NPAS3: variants seen among roughly 807,000 people sequenced by gnomAD.
NPAS3 encodes neuronal PAS domain protein 3, also known as neuronal PAS domain-containing protein 3.
A neutral mutation model predicts 73.1 loss-of-function variants in NPAS3; 14 were observed. The observed-to-expected ratio is 0.19, with a 90% CI of 0.13 to 0.30. The LOEUF is 0.30. Among genes scored for constraint, NPAS3 ranks in the 10% least tolerant of loss-of-function variants. The pLI is 1.00. For synonymous variants in NPAS3, 620 were observed against 541.5 expected (o/e 1.14, Z -2.01); for missense variants, 1,096 against 1,250.0 (o/e 0.88, Z 1.86).
chr14:33,586,258 A>G lies in NPAS3; in HGVS notation c.558+26048A>G, dbSNP rs575018017. ...AATCAGATGTTTTATTGACTGTTTC[A>G]TAGCATAATAATTCACTTTCCAAAA... On this transcript the variant is annotated intron_variant, in intron 5 of 11. Coordinates refer to ENST00000356141, the Ensembl canonical transcript of NPAS3. 1.2e-4 allele frequency among the ~76,000 whole-genome samples: 15 copies of G among 129,206 alleles called. 1 individual carries two copies. Among genetic ancestry groups the G allele is most frequent in the East Asian group, 4.3e-4 (2 of 4,610 alleles). The allele number at this position is 129,206 out of a possible 152,430, so 84.8% of individuals were successfully genotyped here.
intron 2 of NPAS3, among the ~76,000 whole-genome samples, chr14:33,123,203 C>G (rs973256375): frequency 2.0e-5 from 3 of 151,902 alleles, no homozygotes; most frequent in African/African-American, 4.8e-5. Flanking sequence ...TGTGCTTCAG[C>G]AGTTACTTTA....
chr14:33,724,825 G>C (rs1386797666), intron 6 of NPAS3, among the ~76,000 whole-genome samples: 1 of 151,744 alleles, frequency 6.6e-6, no homozygotes, highest in Non-Finnish European at 1.5e-5. Flanking sequence ...ATGCAAACTG[G>C]TACAGTGCAA....
At chr14:33,283,626 A>G (rs12884344) in intron 3 of NPAS3, among the ~76,000 whole-genome samples, 48,634 of 152,096 alleles carry the variant, frequency 0.32, 7,964 homozygotes, top group Middle Eastern at 0.39. Flanking sequence ...CTCTTCACAA[A>G]CTATTGGAAA....
intron 2 of NPAS3, among the ~76,000 whole-genome samples, chr14:33,068,583 G>T (rs887863754): frequency 2.0e-5 from 3 of 152,164 alleles, no homozygotes; most frequent in Admixed American, 2.0e-4. Context: ...CTAAACAGCA[G>T]ATGTTAAAAA....
At chr14:32,959,846 A>G (rs1443277924) in intron 1 of NPAS3, among the ~76,000 whole-genome samples, 1 of 152,188 alleles carries the variant, frequency 6.6e-6, no homozygotes, top group Non-Finnish European at 1.5e-5. Flanking sequence ...TGTTCTTTCT[A>G]TGCCCACCTA....
intron 2 of NPAS3, among the ~76,000 whole-genome samples, chr14:33,170,191 A>G (rs777175848): frequency 6.6e-6 from 1 of 152,240 alleles, no homozygotes; most frequent in Non-Finnish European, 1.5e-5. Flanking sequence ...GAATATCACA[A>G]TGAAGCGAGT....
At chr14:33,707,910 G>T (rs905143113) in intron 6 of NPAS3, among the ~76,000 whole-genome samples, 1 of 152,186 alleles carries the variant, frequency 6.6e-6, no homozygotes, top group Non-Finnish European at 1.5e-5. Flanking sequence ...ATCTGAACCG[G>T]GGGGTGGTGA....
intron 1 of NPAS3, among the ~76,000 whole-genome samples, chr14:32,975,308 G>GCCTCCTTTCCTCCCTT (rs2037615552): frequency 8.7e-5 from 9 of 103,996 alleles, no homozygotes; most frequent in African/African-American, 3.3e-4. Context: ...CTCCCTCCCT[G>GCCTCCTTTCCTCCCTT]CCTCCGTCAC....
chr14:33,086,431 C>A (rs1468948134), intron 2 of NPAS3, among the ~76,000 whole-genome samples: 1 of 152,050 alleles, frequency 6.6e-6, no homozygotes, highest in Non-Finnish European at 1.5e-5. Context: ...TGCAGAGGGA[C>A]CCCTTGTTTT....
intron 7 of NPAS3, among the ~76,000 whole-genome samples, chr14:33,738,431 T>A (rs753555036): frequency 2.0e-5 from 3 of 152,138 alleles, no homozygotes; most frequent in Non-Finnish European, 4.4e-5. Context: ...ACCTTCCCTC[T>A]GGGGCTCACC....
chr14:33,798,273 C>A (rs142275831), intron 11 of NPAS3, among the ~76,000 whole-genome samples: 17 of 152,280 alleles, frequency 1.1e-4, no homozygotes, highest in African/African-American at 4.1e-4. Flanking sequence ...CTGAGTAGTT[C>A]TTTGGGACAC....
intron 3 of NPAS3, among the ~76,000 whole-genome samples, chr14:33,286,598 T>C (rs2041885287): frequency 6.6e-6 from 1 of 152,180 alleles, no homozygotes; most frequent in African/African-American, 2.4e-5. Flanking sequence ...GATTCTGCCA[T>C]CTCCTCTCTA....
At chr14:33,606,343 G>A (rs993962120) in intron 5 of NPAS3, among the ~76,000 whole-genome samples, 11 of 150,830 alleles carry the variant, frequency 7.3e-5, no homozygotes, top group Admixed American at 2.0e-4. Flanking sequence ...TTGTTCTTGC[G>A]ATAGTTTACT....
intron 4 of NPAS3, among the ~76,000 whole-genome samples, chr14:33,415,906 A>G (rs913817286): frequency 6.6e-6 from 1 of 151,994 alleles, no homozygotes; most frequent in Non-Finnish European, 1.5e-5. Context: ...TTCCTTCACC[A>G]CTTGTTGTTA....
At chr14:33,255,037 G>A (rs1457474965) in intron 3 of NPAS3, among the ~76,000 whole-genome samples, 3 of 152,084 alleles carry the variant, frequency 2.0e-5, no homozygotes, top group Admixed American at 2.0e-4. Context: ...GGATACGTTG[G>A]CCAGGAAAAC....
chr14:33,115,571 C>T (rs1279324), intron 2 of NPAS3, among the ~76,000 whole-genome samples: 8,923 of 152,190 alleles, frequency 0.059, 716 homozygotes, highest in East Asian at 0.4. Context: ...AGAAGGTGTT[C>T]CATCTTAACT....
intron 6 of NPAS3, among the ~76,000 whole-genome samples, chr14:33,706,905 C>G (rs554068330): frequency 1.1e-4 from 17 of 152,294 alleles, no homozygotes; most frequent in African/African-American, 4.1e-4. Context: ...GACAAAAACG[C>G]TCCAATGGCA....
chr14:33,551,354 G>A (rs894161120), intron 4 of NPAS3, among the ~76,000 whole-genome samples: 2 of 152,036 alleles, frequency 1.3e-5, no homozygotes, highest in Admixed American at 6.6e-5. Flanking sequence ...CCTGTACAAA[G>A]CATTTATTAT....
At chr14:33,453,526 C>T (rs1265020061) in intron 4 of NPAS3, among the ~76,000 whole-genome samples, 1 of 152,084 alleles carries the variant, frequency 6.6e-6, no homozygotes, top group Admixed American at 6.5e-5. Flanking sequence ...CAGAACTGTT[C>T]TATAAATGGC....
Sources: allele counts gnomAD v4.1 joint callset (sites outside exome capture counted in the v4.1 genomes callset), GRCh38; gene constraint gnomAD v4.1.1; transcripts MANE v1.5; gene names NCBI Gene and HGNC (gene_info 2026-07-23, HGNC 2026-07-21).